The following DYNLL1 variants were observed in gnomAD, a reference collection of about 807,000 sequenced individuals.
DYNLL1 encodes dynein light chain 1, cytoplasmic.
DYNLL1 carries 3 observed loss-of-function variants against 10.1 expected under a neutral mutation model. The ratio of observed to expected loss-of-function variants is 0.30; its 90% CI spans 0.14 to 0.77. The LOEUF is 0.77. DYNLL1 is among the 30% of genes least tolerant of loss of function. The pLI, the probability that DYNLL1 is intolerant of heterozygous loss-of-function variation, is 0.66. For synonymous variants in DYNLL1, 46 were observed against 41.2 expected, an observed-to-expected ratio of 1.12 and a Z score of -0.45; for missense variants, 47 against 111.7, an observed-to-expected ratio of 0.42 and a Z score of 2.61.
intron 1 of DYNLL1, among the ~76,000 whole-genome samples, chr12:120,480,644 C>T (rs941141411): frequency 9.8e-5 from 15 of 152,298 alleles, no homozygotes; most frequent in African/African-American, 3.6e-4. Context: ...CCTTCAGGTC[C>T]TTGACTTAGT....
chr12:120,479,200 G>A (rs1480751426), intron 1 of DYNLL1, among the ~76,000 whole-genome samples: 6 of 149,784 alleles, frequency 4.0e-5, no homozygotes, highest in African/African-American at 1.2e-4. Flanking sequence ...GGTGGCTCAC[G>A]CCTGTAATCC....
chr12:120,493,429 A>G (rs1018904856), upstream of DYNLL1, among the ~76,000 whole-genome samples: 2 of 151,746 alleles, frequency 1.3e-5, no homozygotes, highest in East Asian at 3.9e-4. Context: ...CCAGCTACTC[A>G]GGAGGCCAAG....
rs758080162 is a variant in DYNLL1 at position 120,498,070 on chromosome 12, C to A, written c.133-3C>A. ...CCTAGTTCTTTTCTTTTGTCTTTTCCAGGAATTTGACAAGAAGTACAATCC... is the reference window on the plus strand; with the variant it reads ...CCTAGTTCTTTTCTTTTGTCTTTTCAAGGAATTTGACAAGAAGTACAATCC... On this transcript the variant is annotated splice_polypyrimidine_tract_variant and splice_region_variant and intron_variant, in intron 2 of 2. Coordinates refer to ENST00000242577, the MANE Select transcript of DYNLL1 (RefSeq NM_003746.3). 1.2e-6 allele frequency: 2 copies of A among 1,611,930 alleles called. No homozygotes were observed. The highest frequency in any genetic ancestry group is 4.5e-5 in the East Asian group (2 of 44,822).
At chr12:120,492,383 C>T (rs1879154254), upstream of DYNLL1, among the ~76,000 whole-genome samples, 2 of 152,140 alleles carry the variant, frequency 1.3e-5, no homozygotes, top group Non-Finnish European at 2.9e-5. This position sits in a 1 kb window ranked among gnomAD's most constrained non-coding sequence, Gnocchi z 4.1. Context: ...GCCTGGCCAA[C>T]ATGGTGAAAC....
In DYNLL1 at chr12:120,498,228, C is replaced by T. The variant is rs1388100201; in HGVS notation, c.*18C>T. On this transcript the variant is annotated 3_prime_UTR_variant, in exon 3 of 3. Coordinates refer to ENST00000242577, the MANE Select transcript of DYNLL1 (RefSeq NM_003746.3). ...CTGGTTAAAAGCATGGACTGTGCCA[C>T]ACACCCAGTGATCCATCCAAAAACA... The T allele has an allele frequency of 6.2e-7, 1 of 1,604,750 alleles. No homozygotes were observed. Among genetic ancestry groups the T allele is most frequent in the Non-Finnish European group, 8.5e-7 (1 of 1,178,226 alleles).
chr12:120,473,692 CAAAA>C (rs1227211097), intron 1 of DYNLL1, among the ~76,000 whole-genome samples: 1 of 75,440 alleles, frequency 1.3e-5, no homozygotes, highest in Admixed American at 1.6e-4. Context: ...GACTCTGTCT[CAAAA>C]AAAAAAAAAA....
At chr12:120,497,794 G>A (rs919692258) in intron 2 of DYNLL1, 30 of 389,820 alleles carry the variant, frequency 7.7e-5, no homozygotes, top group Non-Finnish European at 1.9e-5. Flanking sequence ...TAGAAGGTAT[G>A]AAGGTGTAAT....
chr12:120,493,709 T>C (rs893399701), upstream of DYNLL1: 1 of 151,066 alleles, frequency 6.6e-6, no homozygotes, highest in Non-Finnish European at 1.5e-5. Flanking sequence ...CCTCTGGGGT[T>C]CACGCCGTTC....
chr12:120,477,719 G>A (rs981223462), intron 1 of DYNLL1, among the ~76,000 whole-genome samples: 1 of 152,054 alleles, frequency 6.6e-6, no homozygotes, highest in African/African-American at 2.4e-5. Context: ...AGGCTGCTTT[G>A]AACTAGGGTC....
At chr12:120,472,763 C>T (rs1406717864) in intron 1 of DYNLL1, among the ~76,000 whole-genome samples, 1 of 152,110 alleles carries the variant, frequency 6.6e-6, no homozygotes, top group Non-Finnish European at 1.5e-5. Flanking sequence ...TTCAGTTACC[C>T]AGCAGAAAAT....
intron 1 of DYNLL1, among the ~76,000 whole-genome samples, chr12:120,486,405 G>A (rs920258903): frequency 1.3e-4 from 20 of 152,230 alleles, no homozygotes; most frequent in Middle Eastern, 3.4e-3. Flanking sequence ...TACCGAGAGA[G>A]AAAAACAACT....
At chr12:120,496,295 G>A (rs1386111877) in intron 1 of DYNLL1, 79 bp downstream of exon 1, 2 of 1,427,826 alleles carry the variant, frequency 1.4e-6, no homozygotes, top group Non-Finnish European at 1.9e-6. Context: ...CGCGTAGCCC[G>A]CGCTTCCTGA....
chr12:120,477,879 C>T (rs548839431), intron 1 of DYNLL1, among the ~76,000 whole-genome samples: 5 of 152,186 alleles, frequency 3.3e-5, no homozygotes, highest in African/African-American at 1.2e-4. Context: ...TCACTGCAGC[C>T]TCCGCCTCCT....
chr12:120,476,174 C>A (rs898982669), intron 1 of DYNLL1, among the ~76,000 whole-genome samples: 1 of 152,070 alleles, frequency 6.6e-6, no homozygotes, highest in Non-Finnish European at 1.5e-5. Context: ...TTAGTAGAAT[C>A]CTAATTTTTT....
At chr12:120,479,473 ATAAT>A (rs772547107) in intron 1 of DYNLL1, among the ~76,000 whole-genome samples, 7 of 111,306 alleles carry the variant, frequency 6.3e-5, no homozygotes, top group Non-Finnish European at 9.6e-5. Flanking sequence ...AAAAAAAATA[ATAAT>A]AATAATAATA....
intron 1 of DYNLL1, among the ~76,000 whole-genome samples, chr12:120,475,249 T>C (rs1278063520): frequency 2.6e-5 from 4 of 152,240 alleles, no homozygotes; most frequent in Non-Finnish European, 5.9e-5. Flanking sequence ...CACAAGGGCT[T>C]GATTTTATAT....
At chr12:120,470,263 A>G (rs1368090167) in intron 1 of DYNLL1, among the ~76,000 whole-genome samples, 1 of 152,074 alleles carries the variant, frequency 6.6e-6, no homozygotes, top group Non-Finnish European at 1.5e-5. Flanking sequence ...AGTGCATCCG[A>G]CTTGTGCTTT....
At chr12:120,479,789 AG>A (rs1878843896) in intron 1 of DYNLL1, among the ~76,000 whole-genome samples, 1 of 152,194 alleles carries the variant, frequency 6.6e-6, no homozygotes, top group Non-Finnish European at 1.5e-5. Flanking sequence ...GGTGGAGGTG[AG>A]GGCTGTTCTT....
chr12:120,485,489 C>T (rs1331285262), intron 1 of DYNLL1, among the ~76,000 whole-genome samples: 2 of 151,142 alleles, frequency 1.3e-5, no homozygotes, highest in African/African-American at 4.9e-5. Context: ...CTCCCGACCT[C>T]GTGATCCACC....
Sources: gnomAD v4.1 joint callset for allele counts (sites outside exome capture counted in the v4.1 genomes callset) on GRCh38, gnomAD v4.1.1 for gene constraint, Gnocchi (gnomAD v3.1) non-coding constraint, MANE v1.5 for transcripts, NCBI Gene and HGNC (gene_info 2026-07-23, HGNC 2026-07-21) for gene names.